PLEKHO1: variants seen among roughly 807,000 people sequenced by gnomAD.
PLEKHO1 encodes pleckstrin homology domain-containing family O member 1.
In PLEKHO1, 22 loss-of-function variants were observed where a neutral mutation model predicts 41.4. The ratio of observed to expected loss-of-function variants is 0.53; its 90% CI spans 0.38 to 0.76. The LOEUF is 0.76. Among genes scored for constraint, PLEKHO1 ranks in the 30% least tolerant of loss-of-function variants. The pLI is 0.00. For synonymous variants in PLEKHO1, 225 were observed against 210.8 expected (o/e 1.07, Z -0.58); for missense variants, 488 against 518.3 (o/e 0.94, Z 0.57).
At position 150,159,650 on chromosome 1, in the gene PLEKHO1, C is replaced by G; in HGVS notation, c.*127C>G. ...AATGAACTCATTGCTCTTGCTGATG[C>G]CTGACCCCACTACAACCCTTATTGC... On this transcript the variant is annotated 3_prime_UTR_variant, in exon 6 of 6. Transcript: ENST00000369124. 1.5e-6 allele frequency: 1 copy of G among 659,860 alleles called. No individual in the cohort carries two copies. The highest frequency in any genetic ancestry group is 2.6e-6 in the Non-Finnish European group (1 of 384,954). The allele number at this position is 659,860 out of a possible 1,614,324, so 40.9% of individuals were successfully genotyped here.
Position 150,159,647 on chromosome 1 carries a change from A to G in PLEKHO1, c.*124A>G. 2 of 669,624 alleles carry G rather than the reference A, an allele frequency of 3.0e-6. No homozygotes were observed. Among genetic ancestry groups the G allele is most frequent in the Admixed American group, 3.0e-5 (1 of 33,874 alleles). The allele number at this position is 669,624 out of a possible 1,614,324, so 41.5% of individuals were successfully genotyped here. Reference sequence around the variant, plus strand: ...AAAAATGAACTCATTGCTCTTGCTGATGCCTGACCCCACTACAACCCTTAT... The same window carrying G: ...AAAAATGAACTCATTGCTCTTGCTGGTGCCTGACCCCACTACAACCCTTAT... On this transcript the variant is annotated 3_prime_UTR_variant, in exon 6 of 6. Transcript: ENST00000369124.
At chr1:150,157,686 C>T (rs1469001121) in intron 5 of PLEKHO1, among the ~76,000 whole-genome samples, 200 bp downstream of exon 5, 2 of 152,170 alleles carry the variant, frequency 1.3e-5, no homozygotes, top group African/African-American at 4.8e-5. Flanking sequence ...GTTCAAAAGT[C>T]CCAGCTCCCA....
Position 150,159,111 on chromosome 1 carries a change from A to G in PLEKHO1, c.818A>G (p.Glu273Gly). ...PTEKGRCASL[E>G]EILSQRDAAS... ...GAGAAAGGCCGCTGCGCCTCCCTGG[A>G]GGAGATCCTATCTCAGCGGGATGCT... Residue 273 changes from glutamate to glycine, a missense_variant, in exon 6 of 6, where the codon GAG becomes GGG. By Grantham distance (98) the Glu-to-Gly change is moderately conservative. Around this residue, in one of 3 missense-constraint regions of PLEKHO1, gnomAD observed 337 missense variants for 324.6 expected, o/e 1.04. Coordinates refer to ENST00000369124, the MANE Select transcript of PLEKHO1 (RefSeq NM_016274.6). 6.2e-7 allele frequency: 1 copy of G among 1,613,120 alleles called. No homozygotes were observed.
intron 2 of PLEKHO1, chr1:150,154,109 C>T (rs1553819796): frequency 1.3e-5 from 2 of 151,984 alleles, no homozygotes; most frequent in African/African-American, 4.9e-5. Context: ...AACTCCCTTT[C>T]CTTCCCTTCC....
At chr1:150,156,045 C>T (rs201257992) in intron 2 of PLEKHO1, 21 bp from the exon 3 acceptor site, 7 of 1,608,128 alleles carry the variant, frequency 4.4e-6, no homozygotes, top group Non-Finnish European at 6.0e-6. Flanking sequence ...TCCTCCTCAC[C>T]TCACCCCAAC....
At chr1:150,149,661 G>T (rs1170066370), upstream of PLEKHO1, 1 of 152,650 alleles carries the variant, frequency 6.6e-6, no homozygotes, top group Non-Finnish European at 1.5e-5. Context: ...CGCCCACTGG[G>T]CCCCGGGGCG....
At chr1:150,150,641 C>T in intron 1 of PLEKHO1, 1 of 420,316 alleles carries the variant, frequency 2.4e-6, no homozygotes, top group South Asian at 2.7e-5. Context: ...GGCGCAGGGC[C>T]TGGAGGGAAC....
rs782278241 is a variant in PLEKHO1, at chr1:150,158,981, A to G, written c.688A>G (p.Ile230Val). 8.7e-6 allele frequency: 14 copies of G among 1,614,156 alleles called. No homozygotes were observed. The highest frequency in any genetic ancestry group is 1.1e-5 in the Non-Finnish European group (13 of 1,180,020). The change falls in exon 6 of 6, where the codon ATC (isoleucine) becomes GTC (valine). Residue 230 changes from isoleucine to valine, a missense_variant. Physicochemically the swap from Ile to Val is conservative, Grantham distance 29. This residue lies in a region of PLEKHO1 where 337 missense variants were observed against 324.6 expected (regional missense o/e 1.04). Coordinates refer to ENST00000369124, the MANE Select transcript of PLEKHO1 (RefSeq NM_016274.6). ...CCGGCGGAGAGCGGACTCAGACCGC[A>G]TCCAGCCCTCCGCAGACCGGGCAAG... ...GSRRRADSDR[I>V]QPSADRASSL...
intron 2 of PLEKHO1, chr1:150,152,798 A>G (rs587732795): frequency 4.7e-4 from 71 of 152,186 alleles, no homozygotes; most frequent in Admixed American, 4.2e-3. Context: ...CTTCCTACAC[A>G]TCAAAGAGAA....
rs782692603 is a variant in PLEKHO1 at position 150,159,621 on chromosome 1, C to CA, written c.*103dup. ...ATTTACCTCAATCAAAAAAAGAAAACAAAAATGAACTCATTGCTCTTGCTG... is the reference window on the plus strand; with the variant it reads ...ATTTACCTCAATCAAAAAAAGAAAACAAAAAATGAACTCATTGCTCTTGCTG... On this transcript the variant is annotated 3_prime_UTR_variant, in exon 6 of 6. Transcript: ENST00000369124. 1.2e-6 allele frequency: 1 copy of CA among 806,030 alleles called. No homozygotes were observed. Among genetic ancestry groups the CA allele is most frequent in the South Asian group, 2.0e-5 (1 of 50,412 alleles). 49.9% of individuals were successfully genotyped at this position (806,030 alleles called of 1,614,324 possible). A position where few individuals can be genotyped will look rare whatever the true frequency, so the allele number is the denominator to read the frequency against.
At chr1:150,150,736 G>T in intron 1 of PLEKHO1, 176 bp from the exon 2 acceptor site, 3 of 583,370 alleles carry the variant, frequency 5.1e-6, no homozygotes, top group Non-Finnish European at 9.1e-6. Context: ...GGAGCGGGGG[G>T]AGTTCCTCGG....
At chr1:150,150,812 G>C (rs1372073840) in intron 1 of PLEKHO1, 100 bp from the exon 2 acceptor site, 2 of 1,152,094 alleles carry the variant, frequency 1.7e-6, no homozygotes, top group African/African-American at 3.1e-5. Context: ...CGCAGCCTTC[G>C]GAGGAGACTG....
intron 1 of PLEKHO1, 25 bp from the exon 2 acceptor site, chr1:150,150,887 C>T (rs1659890215): frequency 3.7e-6 from 6 of 1,610,194 alleles, no homozygotes; most frequent in Non-Finnish European, 4.2e-6. Flanking sequence ...CCTAACCGCC[C>T]GCTTCTCATC....
At position 150,159,484 on chromosome 1, in the gene PLEKHO1, G is replaced by A. The variant is rs1553821649; in HGVS notation, c.1191G>A (p.Gln397=). ...AGACCCCGGACTCCCACCTCAGACAGACCACCCCGCACAGTCAGTACCGGA... is the reference window on the plus strand; with the variant it reads ...AGACCCCGGACTCCCACCTCAGACAAACCACCCCGCACAGTCAGTACCGGA... ...DLQTPDSHLR[Q]TTPHSQYRKS... Residue 397 remains glutamine (Q), a synonymous_variant, in exon 6 of 6, where the codon CAG becomes CAA. Coordinates refer to ENST00000369124, the MANE Select transcript of PLEKHO1 (RefSeq NM_016274.6). 1.2e-6 allele frequency: 2 copies of A among 1,613,384 alleles called. No homozygotes were observed. The highest frequency in any genetic ancestry group is 2.2e-5 in the East Asian group (1 of 44,872).
rs1487899326 is a variant in PLEKHO1 at position 150,150,117 on chromosome 1, A to T, written c.-141A>T. The stretch of plus-strand genomic sequence containing the variant: ...GCTACAAAGAAGGGGAGAGTCCGGG[A>T]GCGGGAGGGCGCGAGGGAGGAGCGG... On this transcript the variant is annotated 5_prime_UTR_variant, in exon 1 of 6. Transcript: ENST00000369124. 1 of 202,174 alleles carries T rather than the reference A, an allele frequency of 4.9e-6. No individual in the cohort carries two copies. The highest frequency in any genetic ancestry group is 1.7e-4 in the South Asian group (1 of 5,778). 12.5% of individuals were successfully genotyped at this position (202,174 alleles called of 1,614,324 possible).
At position 150,156,919 on chromosome 1, in the gene PLEKHO1, C is replaced by T. The variant is rs782002585; in HGVS notation, c.327C>T (p.Asn109=). ...GAATCTTCCCCTCACAGGCACCCAA[C>T]CTGATCTTCCTGGCAGTGAGTCCAG... ...HSKQPGNTAP[N]LIFLAVSPEE... is the part of the protein sequence containing the mutation. The change falls in exon 4 of 6, where the codon AAC becomes AAT. Residue 109 remains asparagine (N), a synonymous_variant. Transcript: ENST00000369124. 6.2e-7 allele frequency: 1 copy of T among 1,611,020 alleles called. No homozygotes were observed. Among genetic ancestry groups the T allele is most frequent in the South Asian group, 1.1e-5 (1 of 91,024 alleles).
At chr1:150,156,019 G>A (rs1660153101) in intron 2 of PLEKHO1, 47 bp from the exon 3 acceptor site, 2 of 1,558,242 alleles carry the variant, frequency 1.3e-6, no homozygotes, top group Non-Finnish European at 1.8e-6. Flanking sequence ...CTGGGTGGAG[G>A]GGCTAAATAA....
At chr1:150,157,111 TC>T in intron 4 of PLEKHO1, 96 bp downstream of exon 4, 1 of 809,800 alleles carries the variant, frequency 1.2e-6, no homozygotes. Flanking sequence ...CCCCGTTTAC[TC>T]GCTCCTCCAC....
rs892353044 is a variant in PLEKHO1 at position 150,157,067 on chromosome 1, G to C, written c.423+52G>C. 3 of 1,157,122 alleles carry C rather than the reference G, an allele frequency of 2.6e-6. No individual in the cohort carries two copies. In the African/African-American group the frequency reaches 4.5e-5, roughly 17 times the overall value. 71.7% of individuals were successfully genotyped at this position (1,157,122 alleles called of 1,614,324 possible). ...GAGGAACGCTGGGGCAGAGGGAACAGCTGTGACCCACTGAAGGGGGAGGAT... is the reference window on the plus strand; with the variant it reads ...GAGGAACGCTGGGGCAGAGGGAACACCTGTGACCCACTGAAGGGGGAGGAT... On this transcript the variant is annotated intron_variant, in intron 4 of 5. Transcript: ENST00000369124.
Sources: allele counts gnomAD v4.1 joint callset (sites outside exome capture counted in the v4.1 genomes callset), GRCh38; gene constraint gnomAD v4.1.1; regional missense constraint gnomAD v4.1.1; transcripts MANE v1.5; gene names NCBI Gene and HGNC (gene_info 2026-07-23, HGNC 2026-07-21).